ASRGL1: variants seen among roughly 807,000 people sequenced by gnomAD.
ASRGL1 encodes the protein asparaginase and isoaspartyl peptidase 1.
A neutral mutation model predicts 22.4 loss-of-function variants in ASRGL1; 16 were observed. That is an observed-to-expected ratio of 0.71 (90% CI 0.48 to 1.08). ASRGL1 has a LOEUF of 1.08. Among genes scored for constraint, ASRGL1 ranks in the 50% least tolerant of loss-of-function variants. The probability of loss-of-function intolerance (pLI) is 0.00; values close to 1 mark genes in which losing one functional copy is unlikely to be tolerated. For synonymous variants in ASRGL1, 165 were observed against 159.3 expected (o/e 1.04, Z -0.27); for missense variants, 412 against 410.1 (o/e 1.00, Z -0.04).
intron 4 of ASRGL1, chr11:62,372,508 C>T: frequency 8.7e-7 from 1 of 1,153,168 alleles, no homozygotes; most frequent in Non-Finnish European, 1.3e-6. Context: ...CCGGGCACAG[C>T]AGATAGAGTA....
At chr11:62,389,752 C>G (rs1947297762) in intron 5 of ASRGL1, 1 of 243,584 alleles carries the variant, frequency 4.1e-6, no homozygotes, top group Non-Finnish European at 8.1e-6. Flanking sequence ...CCATCTCATT[C>G]CCAGGAGTGG....
At chr11:62,393,816 C>T (rs1282966961), downstream of ASRGL1, among the ~76,000 whole-genome samples, 3 of 151,814 alleles carry the variant, frequency 2.0e-5, no homozygotes, top group African/African-American at 7.3e-5. Context: ...GCTCTGGAGG[C>T]TAAAAGTCCA....
chr11:62,378,686 A>AT (rs1191465863), intron 4 of ASRGL1, among the ~76,000 whole-genome samples: 3 of 152,060 alleles, frequency 2.0e-5, no homozygotes, highest in East Asian at 1.9e-4. Context: ...CATCTGCCGG[A>AT]TTTTTTTTGA....
chr11:62,340,152 G>A (rs927886092), intron 2 of ASRGL1, among the ~76,000 whole-genome samples: 1 of 151,884 alleles, frequency 6.6e-6, no homozygotes, highest in African/African-American at 2.4e-5. Context: ...GCCTGTAGCC[G>A]CCGCTACTCA....
chr11:62,365,708 G>C (rs1319208054), intron 4 of ASRGL1, among the ~76,000 whole-genome samples: 3 of 152,106 alleles, frequency 2.0e-5, no homozygotes, highest in African/African-American at 7.2e-5. Flanking sequence ...AAATTAGCTG[G>C]GTGTGGTGGC....
At chr11:62,370,414 C>T (rs570126091) in intron 4 of ASRGL1, among the ~76,000 whole-genome samples, 8 of 152,262 alleles carry the variant, frequency 5.3e-5, no homozygotes, top group Admixed American at 2.6e-4. Flanking sequence ...AAATGGCTTA[C>T]GATCTCTTGT....
At chr11:62,358,691 A>G (rs1390702750) in intron 4 of ASRGL1, among the ~76,000 whole-genome samples, 1 of 152,206 alleles carries the variant, frequency 6.6e-6, no homozygotes, top group Non-Finnish European at 1.5e-5. Context: ...ACATTGGCAC[A>G]GCTTGACCAG....
intron 4 of ASRGL1, among the ~76,000 whole-genome samples, chr11:62,375,877 C>T (rs1214580122): frequency 1.3e-5 from 2 of 151,452 alleles, no homozygotes; most frequent in African/African-American, 2.4e-5. Context: ...TTTGGGAGGC[C>T]GAGGCGGGTG....
chr11:62,355,815 T>C (rs898428576), intron 2 of ASRGL1, among the ~76,000 whole-genome samples: 29 of 152,174 alleles, frequency 1.9e-4, no homozygotes, highest in African/African-American at 6.0e-4. Flanking sequence ...TAGGGAGTGG[T>C]GATGACTCTT....
downstream of ASRGL1, among the ~76,000 whole-genome samples, chr11:62,393,864 C>G (rs1464489797): frequency 6.6e-6 from 1 of 151,504 alleles, no homozygotes; most frequent in Non-Finnish European, 1.5e-5. Context: ...CTCCCGAGGC[C>G]TCTCTCCATG....
chr11:62,368,107 G>T lies in ASRGL1; in HGVS notation c.491+10963G>T, dbSNP rs113496593. Among the ~76,000 whole-genome samples, 6 of 152,098 alleles carry T rather than the reference G, an allele frequency of 3.9e-5. 1 individual carries two copies. The Middle Eastern group carries it at 0.01, about 259-fold the overall frequency. ...CTTTCAGTTACCCACACTCAACCGCGGTCTGATGTTTTGAGAAAGAGACCA... is the reference window on the plus strand; with the variant it reads ...CTTTCAGTTACCCACACTCAACCGCTGTCTGATGTTTTGAGAAAGAGACCA... On this transcript the variant is annotated intron_variant, in intron 4 of 6. Coordinates refer to ENST00000415229, the MANE Select transcript of ASRGL1 (RefSeq NM_001083926.2).
chr11:62,376,177 C>CTTT (rs779056201), intron 4 of ASRGL1, among the ~76,000 whole-genome samples: 1 of 123,178 alleles, frequency 8.1e-6, no homozygotes, highest in African/African-American at 2.9e-5. Flanking sequence ...GTTCTCAAGG[C>CTTT]TTTTTTTTTT....
downstream of ASRGL1, among the ~76,000 whole-genome samples, chr11:62,394,266 ATATAT>A (rs1947403531): frequency 1.4e-5 from 2 of 141,488 alleles, no homozygotes; most frequent in East Asian, 2.0e-4. Context: ...ATTATATACT[ATATAT>A]TATATATCAT....
At chr11:62,373,009 A>C (rs1254596902) in intron 4 of ASRGL1, 1 of 1,389,898 alleles carries the variant, frequency 7.2e-7, no homozygotes, top group African/African-American at 1.4e-5. Context: ...AGGGATCACA[A>C]GCCCAAGTCT....
chr11:62,362,552 CATATATTATTTATATAAT>C lies in ASRGL1; in HGVS notation c.491+5418_491+5435del, dbSNP rs1370444734. Among the ~76,000 whole-genome samples the C allele has an allele frequency of 2.2e-3, 58 of 26,082 alleles. 2 individuals carry two copies. Among genetic ancestry groups the C allele is most frequent in the East Asian group, 3.3e-3 (2 of 610 alleles). 17.1% of individuals were successfully genotyped at this position (26,082 alleles called of 152,430 possible). On this transcript the variant is annotated intron_variant, in intron 4 of 6. Coordinates refer to ENST00000415229, the MANE Select transcript of ASRGL1 (RefSeq NM_001083926.2). Reference sequence around the variant, plus strand: ...AATATATATTATATAAAATATATAACATATATTATTTATATAATATATATTATATAAAATATATAATAT... The same window carrying C: ...AATATATATTATATAAAATATATAACATATATTATATAAAATATATAATAT...
chr11:62,392,080 A>G lies in ASRGL1; in HGVS notation c.723A>G (p.Gly241=), dbSNP rs2134707576. Residue 241 remains glycine (G), a splice_region_variant and synonymous_variant, in exon 7 of 7, where the codon GGA becomes GGG. Transcript: ENST00000415229. ...ARLTLFHIEQ[G]KTVEEAADLS... is the part of the protein sequence containing the mutation. The stretch of plus-strand genomic sequence containing the variant: ...TTCTCAACCCTTCCTTGTTTTCAGG[A>G]AAGACGGTAGAAGAGGCTGCGGACC... 6.2e-7 allele frequency: 1 copy of G among 1,614,116 alleles called. No individual in the cohort carries two copies. The highest frequency in any genetic ancestry group is 1.1e-5 in the South Asian group (1 of 91,082).
chr11:62,356,335 T>G lies in ASRGL1; in HGVS notation c.201T>G (p.Ser67=). 6.2e-7 allele frequency: 1 copy of G among 1,614,082 alleles called. No individual in the cohort carries two copies. Among genetic ancestry groups the G allele is most frequent in the Non-Finnish European group, 8.5e-7 (1 of 1,179,970 alleles). ...DDPEFNAGCG[S]VLNTNGEVEM... is the part of the protein sequence containing the mutation. ...TCTTTTTGGTTTTAGGTTGTGGGTC[T>G]GTCTTGAACACAAATGGTGAGGTTG... The change falls in exon 3 of 7, where the codon TCT becomes TCG. Residue 67 remains serine, a synonymous_variant. Transcript: ENST00000415229.
intron 4 of ASRGL1, among the ~76,000 whole-genome samples, chr11:62,364,688 T>C (rs1003081062): frequency 6.6e-6 from 1 of 152,188 alleles, no homozygotes; most frequent in Admixed American, 6.5e-5. Context: ...ATCCTGCCAT[T>C]TGCAGCAACT....
At chr11:62,350,480 A>G (rs1195348929) in intron 2 of ASRGL1, among the ~76,000 whole-genome samples, 1 of 152,214 alleles carries the variant, frequency 6.6e-6, no homozygotes, top group African/African-American at 2.4e-5. Flanking sequence ...GGCAAATGGT[A>G]GACCCCATAT....
Sources: allele counts gnomAD v4.1 joint callset (sites outside exome capture counted in the v4.1 genomes callset), GRCh38; gene constraint gnomAD v4.1.1; transcripts MANE v1.5; gene names NCBI Gene and HGNC (gene_info 2026-07-23, HGNC 2026-07-21).